The following ERAP1 variants were observed in gnomAD, a reference collection of about 807,000 sequenced individuals.
The protein encoded by ERAP1 is endoplasmic reticulum aminopeptidase 1.
Under a neutral mutation model 103.7 loss-of-function variants are expected in ERAP1, and 86 were observed. The observed-to-expected ratio is 0.83, with a 90% CI of 0.70 to 0.99. The LOEUF (loss-of-function observed/expected upper bound fraction) is 0.99. Ranked by LOEUF, ERAP1 falls within the 50% of genes least tolerant of loss-of-function variation. The pLI is 0.00. For synonymous variants in ERAP1, 398 were observed against 402.4 expected (o/e 0.99, Z 0.13); for missense variants, 1,009 against 1,128.4 (o/e 0.89, Z 1.52).
the ERAP1 span, among the ~76,000 whole-genome samples, chr5:96,907,162 G>A: frequency 0.54 from 82,266 of 151,830 alleles, 22,331 homozygotes; most frequent in Admixed American, 0.59. Context: ...GTTGAGCTAA[G>A]GTTTATGTTT....
the ERAP1 span, among the ~76,000 whole-genome samples, chr5:96,847,686 A>T: frequency 6.6e-6 from 1 of 152,236 alleles, no homozygotes; most frequent in Admixed American, 6.5e-5. Flanking sequence ...GAAGGTCGCA[A>T]TTATGTGGAA....
chr5:96,812,176 C>T (rs538921737), upstream of ERAP1, among the ~76,000 whole-genome samples: 1 of 152,236 alleles, frequency 6.6e-6, no homozygotes, highest in South Asian at 2.1e-4. Flanking sequence ...TGGAGAATCA[C>T]AATTCAGTTA....
At chr5:96,766,628 A>C (rs1034296519) in intron 19 of ERAP1, among the ~76,000 whole-genome samples, 1 of 152,190 alleles carries the variant, frequency 6.6e-6, no homozygotes, top group Non-Finnish European at 1.5e-5. Flanking sequence ...CAATATTCCC[A>C]ATCACAAATC....
At chr5:96,889,298 C>G in the ERAP1 span, 2 of 1,613,908 alleles carry the variant, frequency 1.2e-6, no homozygotes, top group Non-Finnish European at 1.7e-6. Flanking sequence ...ATCCACTCTC[C>G]AAACTGGGTA....
chr5:96,915,852 T>C, the ERAP1 span: 17 of 1,194,700 alleles, frequency 1.4e-5, no homozygotes, highest in East Asian at 1.3e-4. Context: ...TAATCTGATT[T>C]GAAGTTCTCA....
the ERAP1 span, among the ~76,000 whole-genome samples, chr5:96,877,792 G>T: frequency 3.3e-5 from 5 of 152,146 alleles, no homozygotes; most frequent in African/African-American, 9.6e-5. Flanking sequence ...CTTATCAGAC[G>T]TTCTTGGAAC....
At chr5:96,914,148 TCACACA>T in the ERAP1 span, among the ~76,000 whole-genome samples, 466 of 148,076 alleles carry the variant, frequency 3.1e-3, 1 homozygote, top group Non-Finnish European at 5.1e-3. Flanking sequence ...TCTCTCTCTC[TCACACA>T]CACACACACA....
At chr5:96,844,681 G>A in the ERAP1 span, among the ~76,000 whole-genome samples, 1 of 152,176 alleles carries the variant, frequency 6.6e-6, no homozygotes, top group African/African-American at 2.4e-5. Flanking sequence ...GGTAGCTCCA[G>A]GGCATTGTGG....
the ERAP1 span, among the ~76,000 whole-genome samples, chr5:96,856,710 T>G: frequency 0.049 from 7,413 of 152,258 alleles, 221 homozygotes; most frequent in South Asian, 0.11. Flanking sequence ...GCAATTATGC[T>G]CAGTTCATTT....
the ERAP1 span, among the ~76,000 whole-genome samples, chr5:96,855,204 TA>T: frequency 2.0e-5 from 3 of 152,194 alleles, no homozygotes; most frequent in Admixed American, 2.0e-4. Flanking sequence ...TAATTAACAT[TA>T]AAGAAACACA....
At chr5:96,794,947 C>G (rs964915992) in intron 5 of ERAP1, 95 bp downstream of exon 5, 8 of 1,459,664 alleles carry the variant, frequency 5.5e-6, no homozygotes, top group South Asian at 2.5e-5. Flanking sequence ...GCTTGAGGGG[C>G]TGCTGAGGCA....
At chr5:96,849,424 G>C in the ERAP1 span, among the ~76,000 whole-genome samples, 4 of 152,216 alleles carry the variant, frequency 2.6e-5, no homozygotes, top group Admixed American at 6.5e-5. Flanking sequence ...TAAAGTAGCA[G>C]GTCACAAAAG....
At chr5:96,836,105 T>C in the ERAP1 span, among the ~76,000 whole-genome samples, 8 of 151,268 alleles carry the variant, frequency 5.3e-5, no homozygotes, top group Admixed American at 4.6e-4. Flanking sequence ...ATTTCTGGTA[T>C]TGAAAAAATG....
chr5:96,800,864 A>G lies in ERAP1; in HGVS notation c.661T>C (p.Leu221=), dbSNP rs550584589. 2 of 1,614,156 alleles carry G rather than the reference A, an allele frequency of 1.2e-6. No homozygotes were observed. Among genetic ancestry groups the G allele is most frequent in the Non-Finnish European group, 1.7e-6 (2 of 1,180,012 alleles). ...PRHLAISNMP[L]VKSVTVAEGL... is the part of the protein sequence containing the mutation. ...AATACACAGGAGTGCAGACTCACCA[A>G]TGGCATATTGGAGATGGCTAGGTGC... Residue 221 remains leucine, a splice_region_variant and synonymous_variant, in exon 3 of 19, where the codon TTG becomes CTG. Transcript: ENST00000443439.
chr5:96,935,495 A>ATTCGCGG, the ERAP1 span: 1 of 152,828 alleles, frequency 6.5e-6, no homozygotes, highest in African/African-American at 2.4e-5. Context: ...GAAACCAGCG[A>ATTCGCGG]TTCGCGGTTC....
chr5:96,805,404 GA>G (rs34387283), intron 1 of ERAP1, among the ~76,000 whole-genome samples: 24,511 of 149,002 alleles, frequency 0.16, 2,268 homozygotes, highest in Non-Finnish European at 0.22. Flanking sequence ...AGCCAAGGTT[GA>G]AAAGCTCATC....
chr5:96,784,867 T>A (rs750947297), intron 13 of ERAP1: 1 of 152,118 alleles, frequency 6.6e-6, no homozygotes, highest in Non-Finnish European at 1.5e-5. Context: ...GTATATATTA[T>A]ATAAGTTAAA....
the ERAP1 span, among the ~76,000 whole-genome samples, chr5:96,855,536 C>T: frequency 2.0e-5 from 3 of 152,148 alleles, no homozygotes; most frequent in Non-Finnish European, 4.4e-5. Flanking sequence ...GCTTCACCAG[C>T]GATTGCATAG....
At position 96,793,412 on chromosome 5, in the gene ERAP1, AGGAT is replaced by A. The variant is rs1478437842; in HGVS notation, c.1172_1175del (p.His391LeufsTer3). ...AATAACTACTTACAACTTTCAGTTCAGGATGGGTCACACTGACAGACACAAACTC... is the reference window on the plus strand; with the variant it reads ...AATAACTACTTACAACTTTCAGTTCAGGGTCACACTGACAGACACAAACTC... On this transcript the variant is annotated frameshift_variant, in exon 7 of 19. Coordinates refer to ENST00000443439, the MANE Select transcript of ERAP1 (RefSeq NM_001040458.3). LOFTEE classifies it high-confidence loss of function. 8 of 1,612,762 alleles carry A rather than the reference AGGAT, an allele frequency of 5.0e-6. No individual in the cohort carries two copies. The Admixed American group carries it at 1.3e-4, about 27-fold the overall frequency.
Sources: allele counts gnomAD v4.1 joint callset (sites outside exome capture counted in the v4.1 genomes callset), GRCh38; gene constraint gnomAD v4.1.1; transcripts MANE v1.5; gene names NCBI Gene and HGNC (gene_info 2026-07-23, HGNC 2026-07-21).